CSMD1: variants seen among roughly 807,000 people sequenced by gnomAD.
CSMD1 encodes CUB and Sushi multiple domains 1.
In CSMD1, 213 loss-of-function variants were observed where a neutral mutation model predicts 417.5. The ratio of observed to expected loss-of-function variants is 0.51; its 90% CI spans 0.46 to 0.57. The LOEUF is 0.57. CSMD1 is among the 20% of genes least tolerant of loss of function. The pLI is 0.00. For missense variants in CSMD1, 6,923 were observed against 4,529.7 expected (o/e 1.53, Z -15.17); for synonymous variants, 2,862 against 1,736.8 (o/e 1.65, Z -16.11).
chr8:4,859,846 G>T (rs1404187340), intron 1 of CSMD1, among the ~76,000 whole-genome samples: 1 of 152,158 alleles, frequency 6.6e-6, no homozygotes, highest in Non-Finnish European at 1.5e-5. Flanking sequence ...GTGGAAGTCA[G>T]TGTGGCGATT....
At chr8:3,398,253 A>T (rs934898536) in intron 16 of CSMD1, among the ~76,000 whole-genome samples, 3 of 152,194 alleles carry the variant, frequency 2.0e-5, no homozygotes, top group African/African-American at 7.2e-5. Context: ...AATTAGTAAG[A>T]AACCCAACGT....
rs115456061 is a variant in CSMD1, at chr8:3,923,607, C to T, written c.818+74296G>A. ...ACATACTCATCACCTCATATACTCA[C>T]CATTTTTGTGGTTCAGTAATTTTAA... On this transcript the variant is annotated intron_variant, in intron 5 of 69. Coordinates refer to ENST00000635120, the MANE Select transcript of CSMD1 (RefSeq NM_033225.6). Among the ~76,000 whole-genome samples the T allele has an allele frequency of 9.9e-4, 151 of 152,234 alleles. 1 individual carries two copies. The highest frequency in any genetic ancestry group is 3.2e-3 in the African/African-American group (132 of 41,538).
chr8:3,074,072 T>C (rs1813482048), intron 49 of CSMD1, among the ~76,000 whole-genome samples: 1 of 152,164 alleles, frequency 6.6e-6, no homozygotes, highest in African/African-American at 2.4e-5. Context: ...GCGGGAAGAA[T>C]CCACTTGGAA....
intron 12 of CSMD1, among the ~76,000 whole-genome samples, chr8:3,460,090 G>A (rs1279713244): frequency 2.6e-5 from 4 of 152,158 alleles, no homozygotes; most frequent in Admixed American, 1.3e-4. Context: ...CTCCTGGGAA[G>A]AAAGGCAATT....
chr8:3,748,853 G>T (rs1284051404), intron 6 of CSMD1, among the ~76,000 whole-genome samples: 3 of 152,164 alleles, frequency 2.0e-5, no homozygotes, highest in African/African-American at 7.2e-5. Flanking sequence ...CTAATTATTT[G>T]TGTCAACACA....
At chr8:4,271,925 G>C (rs985468558) in intron 3 of CSMD1, among the ~76,000 whole-genome samples, 16 of 152,084 alleles carry the variant, frequency 1.1e-4, no homozygotes, top group African/African-American at 3.9e-4. Context: ...CCCATACATA[G>C]CAAAATACCT....
intron 2 of CSMD1, among the ~76,000 whole-genome samples, chr8:4,501,921 G>C (rs1802278234): frequency 6.6e-6 from 1 of 152,060 alleles, no homozygotes; most frequent in African/African-American, 2.4e-5. Flanking sequence ...TGGGGGTTTT[G>C]GAACATACCC....
At chr8:4,316,528 G>C (rs376272683) in intron 3 of CSMD1, among the ~76,000 whole-genome samples, 12 of 151,984 alleles carry the variant, frequency 7.9e-5, no homozygotes, top group Non-Finnish European at 1.8e-4. Context: ...TTCCATAATA[G>C]ATTTCTGGTA....
chr8:3,652,718 T>G (rs192505449), intron 7 of CSMD1, among the ~76,000 whole-genome samples: 1 of 152,274 alleles, frequency 6.6e-6, no homozygotes, highest in East Asian at 1.9e-4. Context: ...TATCTCCAAG[T>G]GACCCCGCCC....
Position 4,928,704 on chromosome 8 carries a change from C to T in CSMD1, c.85+65628G>A, listed in dbSNP as rs551826164. On this transcript the variant is annotated intron_variant, in intron 1 of 69. Transcript: ENST00000635120. ...GAATTGTGCCACCCTAGAATTCATACACTGAAATAATAATCCCCAGTGCCT... is the reference window on the plus strand; with the variant it reads ...GAATTGTGCCACCCTAGAATTCATATACTGAAATAATAATCCCCAGTGCCT... Among the ~76,000 whole-genome samples, 5 of 152,260 alleles carry T rather than the reference C, an allele frequency of 3.3e-5. 1 individual carries two copies. Among genetic ancestry groups the T allele is most frequent in the African/African-American group, 9.6e-5 (4 of 41,552 alleles).
At position 4,667,669 on chromosome 8, in the gene CSMD1, G is replaced by A. The variant is rs575602599; in HGVS notation, c.86-30111C>T. Among the ~76,000 whole-genome samples, 14 of 152,216 alleles carry A rather than the reference G, an allele frequency of 9.2e-5. No homozygotes were observed. The South Asian group carries it at 2.9e-3, about 32-fold the overall frequency. ...CAAATTCTAATTTTCTTCAGTGATT[G>A]TTGGTTAAAGAAATTCAATGGATTT... On this transcript the variant is annotated intron_variant, in intron 1 of 69. Coordinates refer to ENST00000635120, the MANE Select transcript of CSMD1 (RefSeq NM_033225.6).
At chr8:4,624,703 G>A (rs537493359) in intron 2 of CSMD1, among the ~76,000 whole-genome samples, 3 of 152,186 alleles carry the variant, frequency 2.0e-5, no homozygotes, top group Admixed American at 1.3e-4. Context: ...TCACAAGAAT[G>A]TATTTTTCTA....
intron 1 of CSMD1, among the ~76,000 whole-genome samples, chr8:4,986,149 T>A (rs1811169173): frequency 6.6e-6 from 1 of 152,200 alleles, no homozygotes; most frequent in Non-Finnish European, 1.5e-5. Flanking sequence ...GCCCATCCTT[T>A]GAGATAAAAG....
Position 3,163,824 on chromosome 8 carries a change from C to G in CSMD1, c.5726-1547G>C, listed in dbSNP as rs77777902. Among the ~76,000 whole-genome samples the G allele has an allele frequency of 7.9e-3, 1,202 of 152,204 alleles. 24 individuals carry two copies. The highest frequency in any genetic ancestry group is 0.027 in the African/African-American group (1,125 of 41,528). ...CTGTGCCAGACGCATTATACTAACT[C>G]CAGTCCCCACCAGACCCTCATAGCC... On this transcript the variant is annotated intron_variant, in intron 37 of 69. Transcript: ENST00000635120.
intron 26 of CSMD1, among the ~76,000 whole-genome samples, chr8:3,245,032 GAGGGT>G (rs1799787346): frequency 6.6e-6 from 1 of 152,220 alleles, no homozygotes; most frequent in Non-Finnish European, 1.5e-5. Context: ...AAAAGGACAG[GAGGGT>G]ATTTTAGAAG....
At chr8:3,889,517 A>C (rs1035305474) in intron 5 of CSMD1, among the ~76,000 whole-genome samples, 1 of 122,188 alleles carries the variant, frequency 8.2e-6, no homozygotes, top group African/African-American at 2.8e-5. Flanking sequence ...AGGTCATGAT[A>C]TATACATATA....
At chr8:3,274,848 A>G (rs1002913448) in intron 26 of CSMD1, among the ~76,000 whole-genome samples, 2 of 152,076 alleles carry the variant, frequency 1.3e-5, no homozygotes, top group African/African-American at 2.4e-5. Flanking sequence ...TGTTTCCTGA[A>G]TAGTGCACAC....
Position 3,489,071 on chromosome 8 carries a change from A to C in CSMD1, c.1448+4552T>G, listed in dbSNP as rs73660053. ...TATATAAAGATACACACACAAATACACACGTCTGTGCATAGTGTCTGCTTT... is the reference window on the plus strand; with the variant it reads ...TATATAAAGATACACACACAAATACCCACGTCTGTGCATAGTGTCTGCTTT... On this transcript the variant is annotated intron_variant, in intron 11 of 69. Coordinates refer to ENST00000635120, the MANE Select transcript of CSMD1 (RefSeq NM_033225.6). 2.6e-3 allele frequency among the ~76,000 whole-genome samples: 397 copies of C among 152,334 alleles called. 4 individuals are homozygous for C. Among genetic ancestry groups the C allele is most frequent in the African/African-American group, 9.2e-3 (382 of 41,588 alleles).
intron 3 of CSMD1, among the ~76,000 whole-genome samples, chr8:4,262,534 T>G (rs1803959972): frequency 6.6e-6 from 1 of 152,200 alleles, no homozygotes; most frequent in Non-Finnish European, 1.5e-5. Flanking sequence ...TCAGCCTTTA[T>G]GAGGATCATG....
Sources: allele counts gnomAD v4.1 joint callset (sites outside exome capture counted in the v4.1 genomes callset), GRCh38; gene constraint gnomAD v4.1.1; transcripts MANE v1.5; gene names NCBI Gene and HGNC (gene_info 2026-07-23, HGNC 2026-07-21).